Variants in ZNF644 observed in about 807,000 individuals in gnomAD.
ZNF644 encodes the protein zinc finger protein 644, also known as zinc finger motif enhancer binding protein 2.
Under a neutral mutation model 108.0 loss-of-function variants are expected in ZNF644, and 20 were observed. The observed-to-expected ratio is 0.19, with a 90% CI of 0.13 to 0.27. The LOEUF is 0.27. Among genes scored for constraint, ZNF644 ranks in the 10% least tolerant of loss-of-function variants. The pLI, the probability that ZNF644 is intolerant of heterozygous loss-of-function variation, is 1.00. For missense variants in ZNF644, 1,338 were observed against 1,548.9 expected, an observed-to-expected ratio of 0.86 and a Z score of 2.29; for synonymous variants, 542 against 539.1, an observed-to-expected ratio of 1.01 and a Z score of -0.08.
At chr1:90,983,481 CAAAAAAAAA>C (rs768476839) in intron 1 of ZNF644, among the ~76,000 whole-genome samples, 3 of 63,426 alleles carry the variant, frequency 4.7e-5, no homozygotes, top group African/African-American at 1.1e-4. Context: ...CCTCATATGG[CAAAAAAAAA>C]AAAAAAAAAA....
intron 2 of ZNF644, among the ~76,000 whole-genome samples, chr1:90,959,657 A>G (rs1313052282): frequency 6.6e-6 from 1 of 152,192 alleles, no homozygotes; most frequent in Non-Finnish European, 1.5e-5. Flanking sequence ...TGAAATATCC[A>G]GAACAGGCAA....
At chr1:90,968,990 G>C (rs972698226) in intron 2 of ZNF644, among the ~76,000 whole-genome samples, 10 of 152,080 alleles carry the variant, frequency 6.6e-5, no homozygotes, top group Admixed American at 6.5e-4. Context: ...CATCATTTTT[G>C]GCAAATTTTC....
At chr1:91,017,689 CGGT>C (rs1660547571) in intron 1 of ZNF644, among the ~76,000 whole-genome samples, 1 of 152,128 alleles carries the variant, frequency 6.6e-6, no homozygotes, top group Admixed American at 6.6e-5. Context: ...CTGCCAGGTG[CGGT>C]GGCTCACGCC....
At chr1:90,975,300 A>C (rs1405564561) in intron 2 of ZNF644, among the ~76,000 whole-genome samples, 1 of 152,230 alleles carries the variant, frequency 6.6e-6, no homozygotes, top group African/African-American at 2.4e-5. Flanking sequence ...AGACTAGTAA[A>C]GTGTGATCTA....
chr1:90,980,966 C>G (rs1002415911), intron 2 of ZNF644, among the ~76,000 whole-genome samples: 3 of 151,702 alleles, frequency 2.0e-5, no homozygotes, highest in African/African-American at 7.3e-5. Flanking sequence ...GTAAACTATA[C>G]CATAATAAAA....
intron 1 of ZNF644, among the ~76,000 whole-genome samples, chr1:91,019,210 G>A (rs1170175983): frequency 6.6e-6 from 1 of 152,176 alleles, no homozygotes; most frequent in Admixed American, 6.5e-5. Flanking sequence ...CCACTCAGTA[G>A]AAGTAGTAGT....
At chr1:90,925,729 C>T (rs575874844) in intron 4 of ZNF644, among the ~76,000 whole-genome samples, 1 of 151,858 alleles carries the variant, frequency 6.6e-6, no homozygotes, top group East Asian at 1.9e-4. Context: ...CTTATGAAAC[C>T]AATGAGCAGC....
intron 4 of ZNF644, 43 bp from the exon 5 acceptor site, chr1:90,918,197 CA>C: frequency 6.8e-7 from 1 of 1,472,764 alleles, no homozygotes; most frequent in Non-Finnish European, 9.5e-7. Flanking sequence ...TTATATATTT[CA>C]AAATATACAT....
chr1:90,972,313 T>C (rs1231217212), intron 2 of ZNF644, among the ~76,000 whole-genome samples: 2 of 152,100 alleles, frequency 1.3e-5, no homozygotes, highest in Admixed American at 6.6e-5. Context: ...GATTAAAAAA[T>C]GGGCAAAAGA....
chr1:91,000,067 A>G (rs1658606301), intron 1 of ZNF644, among the ~76,000 whole-genome samples: 1 of 152,236 alleles, frequency 6.6e-6, no homozygotes, highest in Non-Finnish European at 1.5e-5. Context: ...AAAGAGACTT[A>G]GACTCCCACA....
chr1:90,988,372 A>T (rs761198429), intron 1 of ZNF644, among the ~76,000 whole-genome samples: 22 of 152,278 alleles, frequency 1.4e-4, no homozygotes, highest in Non-Finnish European at 2.9e-4. Context: ...GCTATAACAC[A>T]CTGCTGAAAG....
At chr1:90,993,495 A>T (rs1268890407) in intron 1 of ZNF644, among the ~76,000 whole-genome samples, 1 of 152,204 alleles carries the variant, frequency 6.6e-6, no homozygotes, top group Non-Finnish European at 1.5e-5. Context: ...TATTGATTTA[A>T]ATCACCAAGT....
At position 90,938,235 on chromosome 1, in the gene ZNF644, G is replaced by A. The variant is rs1205053971; in HGVS notation, c.3082+37C>T. On this transcript the variant is annotated intron_variant, in intron 3 of 5. Coordinates refer to ENST00000337393, the MANE Select transcript of ZNF644 (RefSeq NM_201269.3). The surrounding 1 kb of genome is among the most constrained non-coding windows in gnomAD (Gnocchi z 4.2). The stretch of plus-strand genomic sequence containing the variant: ...TTTAAATCTTCAGAATTAGAACACA[G>A]ACCTATCAGCCCAAATCATCCCCAT... The A allele has an allele frequency of 2.5e-6, 4 of 1,613,646 alleles. No individual in the cohort carries two copies. The South Asian group carries it at 3.3e-5, about 13-fold the overall frequency.
At chr1:90,934,227 T>C (rs1345746801) in intron 4 of ZNF644, among the ~76,000 whole-genome samples, 2 of 152,150 alleles carry the variant, frequency 1.3e-5, no homozygotes, top group Non-Finnish European at 2.9e-5. Flanking sequence ...CATTCATCCC[T>C]GGTCATTTGT....
intron 5 of ZNF644, 105 bp from the exon 6 acceptor site, chr1:90,917,095 G>A: frequency 8.7e-7 from 1 of 1,153,306 alleles, no homozygotes. Flanking sequence ...ATATTTTAAA[G>A]ACAGCAATTG....
At chr1:90,964,232 T>C (rs371779775) in intron 2 of ZNF644, among the ~76,000 whole-genome samples, 6 of 152,072 alleles carry the variant, frequency 3.9e-5, no homozygotes, top group South Asian at 2.1e-4. Flanking sequence ...TTTGAAAAAA[T>C]TTCAATTTCT....
chr1:90,938,558 C>G lies in ZNF644; in HGVS notation c.2796G>C (p.Glu932Asp). The change falls in exon 3 of 6, where the codon GAG becomes GAC. Residue 932 changes from glutamate (E) to aspartate (D), a missense_variant. By Grantham distance (45) the Glu-to-Asp change is conservative (BLOSUM62 2). Coordinates refer to ENST00000337393, the MANE Select transcript of ZNF644 (RefSeq NM_201269.3). The surrounding 1 kb of genome is among the most constrained non-coding windows in gnomAD (Gnocchi z 4.2). ...EDTGSNNFLH[E>D]IHDPQHLETA... ...TTTCTAAATGCTGAGGATCATGTAT[C>G]TCATGCAAAAAGTTGTTACTTCCAG... 6.2e-7 allele frequency: 1 copy of G among 1,613,660 alleles called. No individual in the cohort carries two copies. Among genetic ancestry groups the G allele is most frequent in the Non-Finnish European group, 8.5e-7 (1 of 1,179,862 alleles).
chr1:90,930,736 G>A (rs557327883), intron 4 of ZNF644, among the ~76,000 whole-genome samples: 12 of 152,242 alleles, frequency 7.9e-5, no homozygotes, highest in Non-Finnish European at 1.6e-4. Context: ...GTTTGTACAT[G>A]TGGTCAAGAT....
intron 1 of ZNF644, among the ~76,000 whole-genome samples, chr1:91,005,543 T>C (rs372419003): frequency 5.9e-5 from 9 of 152,048 alleles, no homozygotes. Context: ...CAGACAAGTG[T>C]CAATAAATTT....
Sources: gnomAD v4.1 joint callset for allele counts (sites outside exome capture counted in the v4.1 genomes callset) on GRCh38, gnomAD v4.1.1 for gene constraint, Gnocchi (gnomAD v3.1) non-coding constraint, MANE v1.5 for transcripts, NCBI Gene and HGNC (gene_info 2026-07-23, HGNC 2026-07-21) for gene names.